The following TMEM65 variants were observed in gnomAD, a reference collection of about 807,000 sequenced individuals.
TMEM65 encodes transmembrane protein 65.
A neutral mutation model predicts 25.4 loss-of-function variants in TMEM65; 22 were observed. That is an observed-to-expected ratio of 0.86 (90% CI 0.62 to 1.23). The LOEUF (loss-of-function observed/expected upper bound fraction) is 1.23. Among genes scored for constraint, TMEM65 ranks in the 50% most tolerant of loss-of-function variants. TMEM65 has a pLI of 0.00. For missense variants in TMEM65, 262 were observed against 308.2 expected (o/e 0.85, Z 1.12); for synonymous variants, 132 against 126.2 (o/e 1.05, Z -0.31).
intron 1 of TMEM65, among the ~76,000 whole-genome samples, chr8:124,341,015 G>C (rs1017925408): frequency 2.6e-5 from 4 of 151,926 alleles, no homozygotes; most frequent in African/African-American, 9.7e-5. Context: ...GTGACAAATA[G>C]TTCACAATTA....
intron 1 of TMEM65, among the ~76,000 whole-genome samples, chr8:124,356,518 T>C (rs1292687076): frequency 6.6e-6 from 1 of 152,204 alleles, no homozygotes; most frequent in Non-Finnish European, 1.5e-5. Context: ...CTTCAGAAAG[T>C]TGAATCCTTC....
chr8:124,359,422 A>T (rs1814831172), intron 1 of TMEM65, among the ~76,000 whole-genome samples: 1 of 152,226 alleles, frequency 6.6e-6, no homozygotes. Flanking sequence ...GATGTGCAGA[A>T]GTTTCTAAAA....
chr8:124,312,301 G>C lies in TMEM65; in HGVS notation c.*1659C>G. Reference sequence around the variant, plus strand: ...TAAGAATGTCACATTATTTGTGCATGTTATATATTTATTTTTAGATTATAT... The same window carrying C: ...TAAGAATGTCACATTATTTGTGCATCTTATATATTTATTTTTAGATTATAT... On this transcript the variant is annotated 3_prime_UTR_variant, in exon 7 of 7. Transcript: ENST00000297632. The C allele has an allele frequency of 6.7e-6, 1 of 150,072 alleles. No homozygotes were observed. Among genetic ancestry groups the C allele is most frequent in the Non-Finnish European group, 1.5e-5 (1 of 66,500 alleles). The allele number at this position is 150,072 out of a possible 1,614,324, so 9.3% of individuals were successfully genotyped here. A position where few individuals can be genotyped will look rare whatever the true frequency, so the allele number is the denominator to read the frequency against.
chr8:124,318,363 GTTTTTGTTTTTTTTT>G (rs1158278287), intron 6 of TMEM65, among the ~76,000 whole-genome samples: 17 of 73,840 alleles, frequency 2.3e-4, no homozygotes, highest in South Asian at 1.7e-3. Flanking sequence ...GAATTTGCAT[GTTTTTGTTTTTTTTT>G]TTTTTTTTTT....
At chr8:124,337,926 A>C (rs1814531831) in intron 1 of TMEM65, among the ~76,000 whole-genome samples, 1 of 152,002 alleles carries the variant, frequency 6.6e-6, no homozygotes, top group Admixed American at 6.6e-5. Flanking sequence ...TTTTTTATTA[A>C]AAGGAATTTT....
intron 2 of TMEM65, among the ~76,000 whole-genome samples, chr8:124,328,930 T>C (rs568993208): frequency 6.6e-6 from 1 of 152,106 alleles, no homozygotes; most frequent in East Asian, 1.9e-4. Context: ...AAAAAAGCAC[T>C]TCTACCCACA....
intron 1 of TMEM65, among the ~76,000 whole-genome samples, chr8:124,332,554 CCTTT>C (rs1445851448): frequency 3.9e-5 from 6 of 152,028 alleles, no homozygotes; most frequent in Admixed American, 1.3e-4. Context: ...AATCAATATT[CCTTT>C]CTTTCTTTCC....
At chr8:124,335,488 C>T (rs565297595) in intron 1 of TMEM65, among the ~76,000 whole-genome samples, 1 of 152,208 alleles carries the variant, frequency 6.6e-6, no homozygotes, top group South Asian at 2.1e-4. Flanking sequence ...TTTAAATAGA[C>T]ATGACTGTGT....
intron 1 of TMEM65, among the ~76,000 whole-genome samples, chr8:124,366,769 C>T (rs1449069722): frequency 6.6e-6 from 1 of 151,620 alleles, no homozygotes; most frequent in African/African-American, 2.4e-5. Flanking sequence ...TGGCAGTAAT[C>T]CCTAGTAATA....
At chr8:124,338,719 A>G (rs1210389519) in intron 1 of TMEM65, among the ~76,000 whole-genome samples, 1 of 152,176 alleles carries the variant, frequency 6.6e-6, no homozygotes, top group Non-Finnish European at 1.5e-5. Context: ...TTTATAAAAA[A>G]CCTTCAGTCC....
chr8:124,330,830 T>C, intron 1 of TMEM65, 38 bp from the exon 2 acceptor site: 1 of 1,533,240 alleles, frequency 6.5e-7, no homozygotes, highest in Non-Finnish European at 8.8e-7. Context: ...AAGAATTAGT[T>C]ACTACAGCGT....
At chr8:124,316,580 G>A (rs1258274677) in intron 6 of TMEM65, among the ~76,000 whole-genome samples, 1 of 151,954 alleles carries the variant, frequency 6.6e-6, no homozygotes, top group African/African-American at 2.4e-5. Flanking sequence ...ACCAGTGAGG[G>A]GTTTATCACA....
chr8:124,326,223 T>C (rs1249575532), intron 3 of TMEM65, among the ~76,000 whole-genome samples: 2 of 152,056 alleles, frequency 1.3e-5, no homozygotes, highest in Admixed American at 1.3e-4. Flanking sequence ...ATTCAAAGTA[T>C]ATGATATTTT....
At chr8:124,356,687 T>G (rs1240455950) in intron 1 of TMEM65, among the ~76,000 whole-genome samples, 1 of 152,126 alleles carries the variant, frequency 6.6e-6, no homozygotes, top group Non-Finnish European at 1.5e-5. Flanking sequence ...TTGACCTATC[T>G]AAAGCATCAG....
At chr8:124,345,364 T>G (rs1814629319) in intron 1 of TMEM65, among the ~76,000 whole-genome samples, 1 of 152,250 alleles carries the variant, frequency 6.6e-6, no homozygotes, top group African/African-American at 2.4e-5. Context: ...GCCCAACACG[T>G]GAGTTGTCTC....
chr8:124,371,946 C>A lies in TMEM65; in HGVS notation c.212G>T (p.Gly71Val). ...EPMEALNTAQ[G>V]ARDFIYSLHS... is the part of the protein sequence containing the mutation. ...CAGGCTGTAGATGAAGTCGCGCGCG[C>A]CCTGCGCCGTGTTCAGCGCCTCCAT... Residue 71 changes from glycine (G) to valine (V), a missense_variant, in exon 1 of 7, where the codon GGC becomes GTC. Gly to Val is a moderately radical substitution (Grantham distance 109). Transcript: ENST00000297632. The A allele has an allele frequency of 6.6e-7, 1 of 1,516,580 alleles. No individual in the cohort carries two copies. The allele number at this position is 1,516,580 out of a possible 1,614,324, so 93.9% of individuals were successfully genotyped here. A position where few individuals can be genotyped will look rare whatever the true frequency, so the allele number is the denominator to read the frequency against.
At chr8:124,349,295 CT>C (rs1349867250) in intron 1 of TMEM65, among the ~76,000 whole-genome samples, 4 of 151,888 alleles carry the variant, frequency 2.6e-5, no homozygotes, top group African/African-American at 4.8e-5. Context: ...TTTCAAATTG[CT>C]TTTTTTCCCC....
intron 1 of TMEM65, among the ~76,000 whole-genome samples, chr8:124,358,258 T>C (rs1814810724): frequency 6.6e-6 from 1 of 152,148 alleles, no homozygotes; most frequent in African/African-American, 2.4e-5. Context: ...AACAAAATAA[T>C]CACATAAAAA....
intron 6 of TMEM65, 36 bp from the exon 7 acceptor site, chr8:124,314,097 T>G (rs1161694350): frequency 1.3e-6 from 2 of 1,541,166 alleles, no homozygotes; most frequent in Non-Finnish European, 1.8e-6. Flanking sequence ...TAAAGTTACT[T>G]TATCTCTGAT....
Sources: gnomAD v4.1 joint callset for allele counts (sites outside exome capture counted in the v4.1 genomes callset) on GRCh38, gnomAD v4.1.1 for gene constraint, MANE v1.5 for transcripts, NCBI Gene and HGNC (gene_info 2026-07-23, HGNC 2026-07-21) for gene names.